SYNRG: variants seen among roughly 807,000 people sequenced by gnomAD.
The protein encoded by SYNRG is AP1 gamma subunit binding protein 1.
Under a neutral mutation model 130.9 loss-of-function variants are expected in SYNRG, and 37 were observed. The ratio of observed to expected loss-of-function variants is 0.28; its 90% CI spans 0.22 to 0.37. The LOEUF (loss-of-function observed/expected upper bound fraction) is 0.37. Among genes scored for constraint, SYNRG ranks in the 10% least tolerant of loss-of-function variants. The probability of loss-of-function intolerance (pLI) is 1.00; values close to 1 mark genes in which losing one functional copy is unlikely to be tolerated. For missense variants in SYNRG, 1,338 were observed against 1,588.9 expected (o/e 0.84, Z 2.68); for synonymous variants, 539 against 568.1 (o/e 0.95, Z 0.73).
chr17:37,545,531 T>C (rs2058208170), intron 14 of SYNRG, among the ~76,000 whole-genome samples: 1 of 152,188 alleles, frequency 6.6e-6, no homozygotes. Flanking sequence ...GAAAATGTCT[T>C]TTGAAAAACT....
chr17:37,584,455 C>T (rs1445034428), intron 6 of SYNRG, 193 bp downstream of exon 6: 10 of 446,364 alleles, frequency 2.2e-5, no homozygotes, highest in Admixed American at 3.8e-5. Flanking sequence ...AGGTTTTTTC[C>T]TCCCAAGACA....
intron 19 of SYNRG, among the ~76,000 whole-genome samples, chr17:37,523,057 A>G (rs2055340828): frequency 6.6e-6 from 1 of 152,232 alleles, no homozygotes; most frequent in African/African-American, 2.4e-5. Flanking sequence ...AGACATAAAT[A>G]ACCCTGAAAG....
At chr17:37,594,734 A>C (rs1268449388) in intron 3 of SYNRG, among the ~76,000 whole-genome samples, 1 of 152,204 alleles carries the variant, frequency 6.6e-6, no homozygotes, top group Non-Finnish European at 1.5e-5. Context: ...TGCTGGGATT[A>C]CAGGTGTGAG....
intron 13 of SYNRG, among the ~76,000 whole-genome samples, chr17:37,556,523 A>G (rs1002049506): frequency 1.3e-5 from 2 of 150,060 alleles, no homozygotes; most frequent in Non-Finnish European, 1.5e-5. Flanking sequence ...TTGTAACAAG[A>G]TATGTACTTG....
chr17:37,520,724 C>A (rs531604982), intron 19 of SYNRG, 76 bp from the exon 20 acceptor site: 4 of 1,237,078 alleles, frequency 3.2e-6, no homozygotes, highest in Admixed American at 1.8e-5. Flanking sequence ...TCATCACTCA[C>A]CCCCAGCAGG....
chr17:37,527,297 CA>C (rs1409638914), intron 19 of SYNRG, among the ~76,000 whole-genome samples: 1 of 152,168 alleles, frequency 6.6e-6, no homozygotes, highest in Non-Finnish European at 1.5e-5. Flanking sequence ...TACTGAACTT[CA>C]ACCCACTTCA....
chr17:37,548,013 T>C (rs529746979), intron 14 of SYNRG, among the ~76,000 whole-genome samples: 1 of 152,344 alleles, frequency 6.6e-6, no homozygotes, highest in South Asian at 2.1e-4. Context: ...TAAAAAGTAA[T>C]GTTACTTTGG....
intron 19 of SYNRG, among the ~76,000 whole-genome samples, chr17:37,532,487 A>G (rs2056731671): frequency 6.6e-6 from 1 of 152,132 alleles, no homozygotes; most frequent in African/African-American, 2.4e-5. Flanking sequence ...AGCCTGGCCA[A>G]CAGGGTGAAA....
rs2054387704 is a variant in SYNRG at position 37,515,851 on chromosome 17, A to C, written c.*3089T>G. Reference sequence around the variant, plus strand: ...TATAATCTTTGCAAAGCTGAAGTACACTTGAAATAGGCAAACAGAAGACAC... The same window carrying C: ...TATAATCTTTGCAAAGCTGAAGTACCCTTGAAATAGGCAAACAGAAGACAC... On this transcript the variant is annotated 3_prime_UTR_variant, in exon 22 of 22. Coordinates refer to ENST00000612223, the MANE Select transcript of SYNRG (RefSeq NM_007247.6). The C allele has an allele frequency of 6.6e-6, 1 of 152,216 alleles. No individual in the cohort carries two copies. The highest frequency in any genetic ancestry group is 1.5e-5 in the Non-Finnish European group (1 of 68,056). 9.4% of individuals were successfully genotyped at this position (152,216 alleles called of 1,614,324 possible). A position where few individuals can be genotyped will look rare whatever the true frequency, so the allele number is the denominator to read the frequency against.
chr17:37,569,240 T>C (rs1198025487), intron 10 of SYNRG, among the ~76,000 whole-genome samples: 1 of 152,150 alleles, frequency 6.6e-6, no homozygotes, highest in Non-Finnish European at 1.5e-5. Context: ...CGAAACGCCA[T>C]CTCCACTAAA....
intron 3 of SYNRG, among the ~76,000 whole-genome samples, chr17:37,594,877 T>C (rs2062619393): frequency 6.6e-6 from 1 of 152,206 alleles, no homozygotes; most frequent in South Asian, 2.1e-4. Context: ...AAGTGACTAA[T>C]AAATGCTACC....
intron 3 of SYNRG, among the ~76,000 whole-genome samples, chr17:37,591,090 C>G (rs1436516724): frequency 6.6e-6 from 1 of 151,876 alleles, no homozygotes. Context: ...ATGGAATCCA[C>G]AAAAAAATTC....
rs539380593 is a variant in SYNRG at position 37,522,765 on chromosome 17, C to G, written c.3667-2117G>C. ...AAGGGATGCTTCTGCCTCAGCCTCC[C>G]AAGTAGCTGGGACTATAGGCGTGCA... is the stretch of plus-strand genomic sequence containing the variant. On this transcript the variant is annotated intron_variant, in intron 19 of 21. Transcript: ENST00000612223. Among the ~76,000 whole-genome samples the G allele has an allele frequency of 2.0e-5, 3 of 151,684 alleles. No homozygotes were observed. The East Asian group carries it at 5.8e-4, about 30-fold the overall frequency.
Position 37,553,476 on chromosome 17 carries a change from T to C in SYNRG, c.2247A>G (p.Arg749=), listed in dbSNP as rs372878997. ...TAASTKYDVF[R]QLSLEGSGLG... ...GTCCAGACCCTTCCAGAGAAAGTTG[T>C]CTGAAGACATCGTACTTGGTAGACG... The change falls in exon 14 of 22, where the codon AGA becomes AGG. Residue 749 remains arginine (R), a synonymous_variant. Coordinates refer to ENST00000612223, the MANE Select transcript of SYNRG (RefSeq NM_007247.6). 3 of 1,614,198 alleles carry C rather than the reference T, an allele frequency of 1.9e-6. No homozygotes were observed. The East Asian group carries it at 6.7e-5, about 36-fold the overall frequency.
chr17:37,577,225 G>C (rs2060907008), intron 7 of SYNRG, among the ~76,000 whole-genome samples, 155 bp downstream of exon 7: 1 of 152,152 alleles, frequency 6.6e-6, no homozygotes, highest in South Asian at 2.1e-4. Context: ...AAATCTTAGG[G>C]GTTAATTGGA....
At chr17:37,556,653 AAG>A (rs1159864543) in intron 13 of SYNRG, among the ~76,000 whole-genome samples, 1 of 152,110 alleles carries the variant, frequency 6.6e-6, no homozygotes, top group Non-Finnish European at 1.5e-5. Context: ...TTCATCTAAT[AAG>A]AGAGGAACAG....
intron 2 of SYNRG, among the ~76,000 whole-genome samples, chr17:37,597,182 C>T (rs111341333): frequency 6.6e-6 from 1 of 152,124 alleles, no homozygotes; most frequent in Non-Finnish European, 1.5e-5. Flanking sequence ...AGGTCTTCTG[C>T]CAAAAGGCAG....
At chr17:37,601,775 C>T (rs1598666379) in intron 1 of SYNRG, among the ~76,000 whole-genome samples, 1 of 152,104 alleles carries the variant, frequency 6.6e-6, no homozygotes, top group Non-Finnish European at 1.5e-5. Context: ...AGTGATTCTA[C>T]TGCCTCAGCC....
rs77766435 is a variant in SYNRG at position 37,597,121 on chromosome 17, G to A, written c.119-777C>T. On this transcript the variant is annotated intron_variant, in intron 2 of 21. Coordinates refer to ENST00000612223, the MANE Select transcript of SYNRG (RefSeq NM_007247.6). ...TTGCTCTGGAGCAAGCCACTGCCAC[G>A]TCATGAAATACTCAATAAGACCTAT... 2.0e-3 allele frequency among the ~76,000 whole-genome samples: 300 copies of A among 152,278 alleles called. 1 individual carries two copies. The highest frequency in any genetic ancestry group is 4.4e-3 in the East Asian group (23 of 5,184).
Sources: gnomAD v4.1 joint callset for allele counts (sites outside exome capture counted in the v4.1 genomes callset) on GRCh38, gnomAD v4.1.1 for gene constraint, MANE v1.5 for transcripts, NCBI Gene and HGNC (gene_info 2026-07-23, HGNC 2026-07-21) for gene names.